The following BTBD8 variants were observed in gnomAD, a reference collection of about 807,000 sequenced individuals.
BTBD8 encodes the protein BTB/POZ domain-containing protein 8.
BTBD8 carries 110 observed loss-of-function variants against 162.9 expected under a neutral mutation model. The observed-to-expected ratio is 0.68, with a 90% CI of 0.58 to 0.79. BTBD8 has a LOEUF of 0.79. Ranked by LOEUF, BTBD8 falls within the 30% of genes least tolerant of loss-of-function variation. The probability of loss-of-function intolerance (pLI) is 0.00; values close to 1 mark genes in which losing one functional copy is unlikely to be tolerated. For synonymous variants in BTBD8, 667 were observed against 716.1 expected, an observed-to-expected ratio of 0.93 and a Z score of 1.10; for missense variants, 1,905 against 2,085.4, an observed-to-expected ratio of 0.91 and a Z score of 1.68.
At position 92,080,394 on chromosome 1, in the gene BTBD8, C is replaced by A; in HGVS notation, c.-178C>A. On this transcript the variant is annotated 5_prime_UTR_variant, in exon 1 of 18. Coordinates refer to ENST00000636805, the MANE Select transcript of BTBD8 (RefSeq NM_001376131.1). The stretch of plus-strand genomic sequence containing the variant: ...GTTCTGGGATTCTGAGGCTCCCCAC[C>A]GCGGTCCGGCTTCTCTGGGAGACTG... 2.3e-6 allele frequency: 2 copies of A among 866,230 alleles called. No individual in the cohort carries two copies. The highest frequency in any genetic ancestry group is 3.4e-6 in the Non-Finnish European group (2 of 590,728). 53.7% of individuals were successfully genotyped at this position (866,230 alleles called of 1,614,324 possible). A position where few individuals can be genotyped will look rare whatever the true frequency, so the allele number is the denominator to read the frequency against.
intron 13 of BTBD8, among the ~76,000 whole-genome samples, chr1:92,175,530 C>CATG (rs1305812743): frequency 6.9e-6 from 1 of 143,948 alleles, no homozygotes; most frequent in Non-Finnish European, 1.5e-5. Context: ...CACAGTGGCT[C>CATG]ATGCCTGTGA....
chr1:92,146,565 C>T (rs1434883946), intron 7 of BTBD8, among the ~76,000 whole-genome samples: 2 of 152,108 alleles, frequency 1.3e-5, no homozygotes, highest in Non-Finnish European at 2.9e-5. Context: ...TAGTATCATA[C>T]GGAGTGTTTT....
At chr1:92,095,125 G>T (rs1472143678) in intron 2 of BTBD8, among the ~76,000 whole-genome samples, 2 of 152,100 alleles carry the variant, frequency 1.3e-5, no homozygotes, top group African/African-American at 2.4e-5. Context: ...CTAAGTACAT[G>T]GACCCACCTA....
chr1:92,184,176 C>T lies in BTBD8; in HGVS notation c.5225C>T (p.Pro1742Leu), dbSNP rs1046058872. Residue 1742 changes from proline (P) to leucine (L), a missense_variant, in exon 18 of 18, where the codon CCT becomes CTT. Transcript: ENST00000636805. ...TLLLARDSSK[P>L]QGITHIDTLN... ...CTTTTAGCACGAGATAGCTCAAAAC[C>T]TCAGGGTATAACACATATTGACACT... The T allele has an allele frequency of 6.4e-7, 1 of 1,551,594 alleles. No individual in the cohort carries two copies. Among genetic ancestry groups the T allele is most frequent in the Non-Finnish European group, 8.7e-7 (1 of 1,146,860 alleles).
intron 1 of BTBD8, among the ~76,000 whole-genome samples, chr1:92,082,224 T>TA (rs1648037899): frequency 6.6e-6 from 1 of 151,010 alleles, no homozygotes; most frequent in Admixed American, 6.6e-5. Context: ...GGTTTTTTTT[T>TA]AAAACAAAAC....
At chr1:92,083,544 C>T (rs1277636187) in intron 1 of BTBD8, among the ~76,000 whole-genome samples, 2 of 151,988 alleles carry the variant, frequency 1.3e-5, no homozygotes, top group African/African-American at 2.4e-5. Flanking sequence ...TAGCTTTATT[C>T]GGAAGGAGAT....
At chr1:92,150,716 T>C (rs879296478) in intron 9 of BTBD8, 5 of 152,236 alleles carry the variant, frequency 3.3e-5, no homozygotes, top group Non-Finnish European at 5.9e-5. Flanking sequence ...CACTCACTTA[T>C]ACTGGGACAT....
In BTBD8 at chr1:92,180,305, C is replaced by T. The variant is rs1650844000; in HGVS notation, c.2622C>T (p.Val874=). Residue 874 remains valine, a synonymous_variant, in exon 17 of 18, where the codon GTC becomes GTT. Transcript: ENST00000636805. ...GESPNSVKSS[V]SSRQSDENVA... ...CACCAAACTCAGTAAAATCTTCAGTCTCTTCAAGGCAGTCTGATGAAAATG... is the reference window on the plus strand; with the variant it reads ...CACCAAACTCAGTAAAATCTTCAGTTTCTTCAAGGCAGTCTGATGAAAATG... 3.2e-6 allele frequency: 5 copies of T among 1,546,230 alleles called. No individual in the cohort carries two copies. The highest frequency in any genetic ancestry group is 4.4e-6 in the Non-Finnish European group (5 of 1,145,520).
At chr1:92,170,545 A>G (rs1342475315) in intron 12 of BTBD8, among the ~76,000 whole-genome samples, 4 of 152,174 alleles carry the variant, frequency 2.6e-5, no homozygotes, top group Non-Finnish European at 5.9e-5. Context: ...CTTATAGCAC[A>G]TATCCTATAG....
chr1:92,103,158 G>C (rs951197438), intron 3 of BTBD8, among the ~76,000 whole-genome samples: 14 of 152,196 alleles, frequency 9.2e-5, no homozygotes, highest in African/African-American at 3.4e-4. Context: ...CAGAAGGGTT[G>C]CAGCTTGTGA....
At chr1:92,168,763 A>T (rs1650453843) in intron 11 of BTBD8, 103 bp from the exon 12 acceptor site, 3 of 1,084,762 alleles carry the variant, frequency 2.8e-6, no homozygotes, top group Non-Finnish European at 2.4e-6. Flanking sequence ...AAATGATGAC[A>T]TCATTGATCT....
Position 92,134,602 on chromosome 1 carries a change from T to C in BTBD8, c.753-4748T>C, listed in dbSNP as rs116813095. Among the ~76,000 whole-genome samples, 987 of 152,346 alleles carry C rather than the reference T, an allele frequency of 6.5e-3. 8 individuals are homozygous for C. Among genetic ancestry groups the C allele is most frequent in the Non-Finnish European group, 0.01 (695 of 68,028 alleles). Reference sequence around the variant, plus strand: ...TATAGCTACAGACCAACTCCTCAGTTACTCTCTCTTATATAATCCTATTCT... The same window carrying C: ...TATAGCTACAGACCAACTCCTCAGTCACTCTCTCTTATATAATCCTATTCT... On this transcript the variant is annotated intron_variant, in intron 5 of 17. Transcript: ENST00000636805.
chr1:92,180,562 A>T lies in BTBD8; in HGVS notation c.2879A>T (p.His960Leu), dbSNP rs1173669945. Residue 960 changes from histidine to leucine, a missense_variant, in exon 17 of 18, where the codon CAT becomes CTT. Around this residue, in one of 3 missense-constraint regions of BTBD8, gnomAD observed 1,374 missense variants for 1,442.7 expected, o/e 0.95. Transcript: ENST00000636805. Reference protein sequence around the residue: ...TQPSSQRPLKHETSTVQKSMF... With the variant: ...TQPSSQRPLKLETSTVQKSMF... ...CCTTCCTCCCAAAGACCTTTAAAACATGAAACATCTACTGTCCAAAAAAGT... is the reference window on the plus strand; with the variant it reads ...CCTTCCTCCCAAAGACCTTTAAAACTTGAAACATCTACTGTCCAAAAAAGT... The T allele has an allele frequency of 6.4e-7, 1 of 1,551,702 alleles. No homozygotes were observed. Among genetic ancestry groups the T allele is most frequent in the East Asian group, 2.4e-5 (1 of 40,922 alleles).
intron 4 of BTBD8, 143 bp from the exon 5 acceptor site, chr1:92,129,544 T>C: frequency 1.5e-6 from 1 of 675,108 alleles, no homozygotes; most frequent in Non-Finnish European, 2.5e-6. Context: ...TAAGTTTTAT[T>C]ATGTAGTAAT....
At chr1:92,142,101 C>T (rs1649790193) in intron 7 of BTBD8, among the ~76,000 whole-genome samples, 1 of 152,184 alleles carries the variant, frequency 6.6e-6, no homozygotes, top group Admixed American at 6.5e-5. Context: ...ACTACCAACC[C>T]CATAAGGTTT....
At chr1:92,140,325 A>G (rs558653513) in intron 6 of BTBD8, among the ~76,000 whole-genome samples, 2 of 152,222 alleles carry the variant, frequency 1.3e-5, no homozygotes, top group African/African-American at 4.8e-5. Context: ...TAAATGCGCT[A>G]TAGTGAAATA....
At position 92,177,177 on chromosome 1, in the gene BTBD8, T is replaced by TCAGCAA; in HGVS notation, c.1990_1995dup (p.Thr664_Ala665dup). 1 of 1,551,700 alleles carries TCAGCAA rather than the reference T, an allele frequency of 6.4e-7. No individual in the cohort carries two copies. The highest frequency in any genetic ancestry group is 8.7e-7 in the Non-Finnish European group (1 of 1,147,012). On this transcript the variant is annotated inframe_insertion, in exon 14 of 18. Coordinates refer to ENST00000636805, the MANE Select transcript of BTBD8 (RefSeq NM_001376131.1). ...GTCACCTAGACAAGTTGTAGAAAGA[T>TCAGCAA]CAGCAACAGCAGCAGCAGCAGCAAC...
chr1:92,091,285 T>C (rs1648290730), intron 2 of BTBD8, among the ~76,000 whole-genome samples: 2 of 152,202 alleles, frequency 1.3e-5, no homozygotes, highest in South Asian at 2.1e-4. Flanking sequence ...TGCTTTCTTC[T>C]TCGCCTTCTG....
chr1:92,138,353 C>T (rs1013059101), intron 5 of BTBD8, among the ~76,000 whole-genome samples: 11 of 152,150 alleles, frequency 7.2e-5, no homozygotes, highest in African/African-American at 2.2e-4. Flanking sequence ...ATTGAACCAT[C>T]GGAAAGCAAA....
Sources: gnomAD v4.1 joint callset for allele counts (sites outside exome capture counted in the v4.1 genomes callset) on GRCh38, gnomAD v4.1.1 for gene constraint, gnomAD v4.1.1 regional missense constraint, MANE v1.5 for transcripts, NCBI Gene and HGNC (gene_info 2026-07-23, HGNC 2026-07-21) for gene names.